ITPR1: variants seen among roughly 807,000 people sequenced by gnomAD.
The protein encoded by ITPR1 is inositol 1,4,5-trisphosphate-gated calcium channel ITPR1.
A neutral mutation model predicts 318.4 loss-of-function variants in ITPR1; 96 were observed. That is an observed-to-expected ratio of 0.30 (90% CI 0.26 to 0.36). The LOEUF is 0.36. Among genes scored for constraint, ITPR1 ranks in the 10% least tolerant of loss-of-function variants. The probability of loss-of-function intolerance (pLI) is 1.00; values close to 1 mark genes in which losing one functional copy is unlikely to be tolerated. For missense variants in ITPR1, 2,440 were observed against 3,460.2 expected, an observed-to-expected ratio of 0.71 and a Z score of 7.40; for synonymous variants, 1,312 against 1,289.9, an observed-to-expected ratio of 1.02 and a Z score of -0.37.
chr3:4,644,599 A>G (rs1246327469), intron 8 of ITPR1, among the ~76,000 whole-genome samples: 4 of 152,216 alleles, frequency 2.6e-5, no homozygotes, highest in Admixed American at 2.6e-4. Context: ...TAACTGTTCA[A>G]AAAGGAACAC....
chr3:4,618,687 G>A (rs756314512), intron 4 of ITPR1, among the ~76,000 whole-genome samples: 11 of 152,034 alleles, frequency 7.2e-5, no homozygotes, highest in Non-Finnish European at 1.3e-4. Flanking sequence ...CGGATCCATC[G>A]GATGATCTGA....
At position 4,724,842 on chromosome 3, in the gene ITPR1, G is replaced by T. The variant is rs77484874; in HGVS notation, c.5137-704G>T. On this transcript the variant is annotated intron_variant, in intron 40 of 61. Transcript: ENST00000649015. ...TGGAAATTATTAAATCAAGGGGGAGGGTGGTATCTGTGTGGCATGGCTGGG... is the reference window on the plus strand; with the variant it reads ...TGGAAATTATTAAATCAAGGGGGAGTGTGGTATCTGTGTGGCATGGCTGGG... 5.9e-3 allele frequency among the ~76,000 whole-genome samples: 897 copies of T among 152,242 alleles called. 8 individuals carry two copies. The highest frequency in any genetic ancestry group is 0.02 in the African/African-American group (849 of 41,524).
chr3:4,695,679 G>T (rs541307967), intron 33 of ITPR1, among the ~76,000 whole-genome samples: 4 of 152,286 alleles, frequency 2.6e-5, no homozygotes, highest in African/African-American at 9.6e-5. Context: ...CTTCTTCTGT[G>T]TATCATTCCA....
chr3:4,590,804 T>G (rs1019437434), intron 4 of ITPR1, among the ~76,000 whole-genome samples: 1 of 152,122 alleles, frequency 6.6e-6, no homozygotes, highest in Non-Finnish European at 1.5e-5. Context: ...GGGGGTTTGT[T>G]GTACATATTA....
At chr3:4,794,977 G>T in intron 52 of ITPR1, 88 bp from the exon 53 acceptor site, 1 of 1,405,802 alleles carries the variant, frequency 7.1e-7, no homozygotes, top group South Asian at 1.7e-5. Context: ...GGACTTGTGG[G>T]GCAGAGCTGG....
chr3:4,842,464 T>A (rs746981690), intron 61 of ITPR1, among the ~76,000 whole-genome samples: 1 of 152,078 alleles, frequency 6.6e-6, no homozygotes, highest in Non-Finnish European at 1.5e-5. Flanking sequence ...ACCTCCCAGG[T>A]TTAAGTGATT....
intron 2 of ITPR1, among the ~76,000 whole-genome samples, chr3:4,506,266 T>C (rs1023024420): frequency 1.3e-5 from 2 of 152,206 alleles, no homozygotes; most frequent in Admixed American, 1.3e-4. Flanking sequence ...CTGTACTTTC[T>C]TCCTTTCCCC....
At chr3:4,798,101 C>A (rs769315438) in intron 53 of ITPR1, among the ~76,000 whole-genome samples, 1 of 152,122 alleles carries the variant, frequency 6.6e-6, no homozygotes, top group Non-Finnish European at 1.5e-5. Context: ...GTACTGGTCA[C>A]ATTGATGATA....
chr3:4,773,184 A>G (rs373517801), intron 46 of ITPR1, among the ~76,000 whole-genome samples: 202 of 152,248 alleles, frequency 1.3e-3, no homozygotes, highest in African/African-American at 4.6e-3. Context: ...CAGGGGTCGG[A>G]GGAGCTTCCT....
intron 4 of ITPR1, among the ~76,000 whole-genome samples, chr3:4,543,609 A>G (rs1368973163): frequency 6.6e-6 from 1 of 152,030 alleles, no homozygotes; most frequent in Non-Finnish European, 1.5e-5. Flanking sequence ...CGCCTGGCTA[A>G]TTTTTGTATT....
At chr3:4,716,389 AAGTTAT>A (rs2041766557) in intron 39 of ITPR1, among the ~76,000 whole-genome samples, 1 of 152,228 alleles carries the variant, frequency 6.6e-6, no homozygotes, top group Non-Finnish European at 1.5e-5. Flanking sequence ...CTGTTGACTT[AAGTTAT>A]TACTCAAAGA....
chr3:4,652,612 A>T (rs2093621470), intron 11 of ITPR1, among the ~76,000 whole-genome samples: 1 of 152,230 alleles, frequency 6.6e-6, no homozygotes, highest in South Asian at 2.1e-4. Context: ...ACGTATAAGG[A>T]ATTAGATAAT....
intron 24 of ITPR1, among the ~76,000 whole-genome samples, chr3:4,678,106 G>C (rs1052719220): frequency 6.6e-6 from 1 of 151,998 alleles, no homozygotes; most frequent in Non-Finnish European, 1.5e-5. Context: ...TTAAGATCTG[G>C]GGGTTTTATT....
chr3:4,522,647 CAA>C (rs2082654998), intron 4 of ITPR1, among the ~76,000 whole-genome samples: 1 of 152,220 alleles, frequency 6.6e-6, no homozygotes, highest in South Asian at 2.1e-4. Flanking sequence ...CCTTCCAAGA[CAA>C]GACAAAATCT....
intron 44 of ITPR1, among the ~76,000 whole-genome samples, chr3:4,752,161 C>G (rs1284140884): frequency 6.6e-6 from 1 of 152,126 alleles, no homozygotes; most frequent in Non-Finnish European, 1.5e-5. Flanking sequence ...TATTTTATTG[C>G]TCTTCGAGGA....
At chr3:4,784,011 TG>T (rs1559889431) in intron 51 of ITPR1, 91 bp downstream of exon 51, 2 of 861,558 alleles carry the variant, frequency 2.3e-6, no homozygotes, top group Non-Finnish European at 1.8e-6. Context: ...TTCATTCATC[TG>T]AGCAATGGAA....
intron 4 of ITPR1, among the ~76,000 whole-genome samples, chr3:4,569,596 T>G (rs569868304): frequency 1.8e-4 from 27 of 152,352 alleles, no homozygotes; most frequent in African/African-American, 6.5e-4. Flanking sequence ...TTTTACTTTC[T>G]TTTTGTGTAG....
At chr3:4,686,732 C>T (rs1236364285) in intron 30 of ITPR1, among the ~76,000 whole-genome samples, 2 of 152,218 alleles carry the variant, frequency 1.3e-5, no homozygotes, top group Non-Finnish European at 2.9e-5. Context: ...GACTTGATGT[C>T]TTTGGGGCTT....
chr3:4,600,252 C>A (rs1044948106), intron 4 of ITPR1, among the ~76,000 whole-genome samples: 3 of 152,140 alleles, frequency 2.0e-5, no homozygotes, highest in African/African-American at 7.2e-5. Flanking sequence ...ACATGCTGGC[C>A]CCCAGTTTCT....
Sources: gnomAD v4.1 joint callset for allele counts (sites outside exome capture counted in the v4.1 genomes callset) on GRCh38, gnomAD v4.1.1 for gene constraint, MANE v1.5 for transcripts, NCBI Gene and HGNC (gene_info 2026-07-23, HGNC 2026-07-21) for gene names.